ARNT2: variants seen among roughly 807,000 people sequenced by gnomAD.
ARNT2 encodes ARNT protein 2.
ARNT2 carries 36 observed loss-of-function variants against 91.7 expected under a neutral mutation model. That is an observed-to-expected ratio of 0.39 (90% CI 0.30 to 0.52). The LOEUF (loss-of-function observed/expected upper bound fraction) is 0.52, where lower values mean the gene tolerates loss of function less well. ARNT2 is among the 20% of genes least tolerant of loss of function. The probability of loss-of-function intolerance (pLI) is 0.72; values close to 1 mark genes in which losing one functional copy is unlikely to be tolerated. For missense variants in ARNT2, 775 were observed against 939.3 expected (o/e 0.83, Z 2.29); for synonymous variants, 365 against 347.1 (o/e 1.05, Z -0.57).
intron 5 of ARNT2, among the ~76,000 whole-genome samples, chr15:80,481,907 A>C (rs543692044): frequency 3.2e-4 from 48 of 151,928 alleles, no homozygotes; most frequent in African/African-American, 1.0e-3. Flanking sequence ...CTCATTTTTA[A>C]ATTTTTTTTG....
chr15:80,409,539 G>T (rs1895652030), intron 1 of ARNT2, among the ~76,000 whole-genome samples: 2 of 151,674 alleles, frequency 1.3e-5, no homozygotes, highest in African/African-American at 4.9e-5. Flanking sequence ...GCTGCTAGGG[G>T]CTAATACTTA....
intron 3 of ARNT2, among the ~76,000 whole-genome samples, chr15:80,462,166 G>A (rs1341101840): frequency 6.6e-6 from 1 of 151,818 alleles, no homozygotes; most frequent in Non-Finnish European, 1.5e-5. Context: ...CACTCTGAGT[G>A]GTTCAGGGGC....
intron 11 of ARNT2, among the ~76,000 whole-genome samples, chr15:80,561,160 G>A (rs570745041): frequency 3.9e-5 from 6 of 152,192 alleles, no homozygotes; most frequent in East Asian, 1.9e-4. Flanking sequence ...AGACACCACC[G>A]AAGAATAGAC....
rs1195474148 is a variant in ARNT2 at position 80,528,239 on chromosome 15, T to A, written c.877+13834T>A. Among the ~76,000 whole-genome samples the A allele has an allele frequency of 2.0e-5, 3 of 152,092 alleles. No homozygotes were observed. In the East Asian group the frequency reaches 5.8e-4, roughly 29 times the overall value. ...CGGGTGGGGACGCTGGGATCCACAC[T>A]CAGGGAGGCTGATTCCAGAGTCTGA... On this transcript the variant is annotated intron_variant, in intron 8 of 18. Coordinates refer to ENST00000303329, the MANE Select transcript of ARNT2 (RefSeq NM_014862.4).
chr15:80,498,827 G>T (rs1422600153), intron 5 of ARNT2, among the ~76,000 whole-genome samples: 2 of 152,204 alleles, frequency 1.3e-5, no homozygotes, highest in Non-Finnish European at 2.9e-5. Flanking sequence ...CTGACCTCCT[G>T]CCCCCTCACT....
chr15:80,413,762 C>A (rs1220056330), intron 1 of ARNT2, among the ~76,000 whole-genome samples: 1 of 152,176 alleles, frequency 6.6e-6, no homozygotes, highest in African/African-American at 2.4e-5. Context: ...TCGGGTAGAG[C>A]CAGGCCTTCC....
chr15:80,526,849 C>T (rs1168758011), intron 8 of ARNT2, among the ~76,000 whole-genome samples: 2 of 152,202 alleles, frequency 1.3e-5, no homozygotes, highest in Non-Finnish European at 2.9e-5. Context: ...CCTTGCACTT[C>T]TTGCAGTTTG....
At chr15:80,454,728 C>T (rs1189122285) in intron 2 of ARNT2, among the ~76,000 whole-genome samples, 5 of 152,216 alleles carry the variant, frequency 3.3e-5, no homozygotes, top group African/African-American at 4.8e-5. Context: ...CCTTTTATCT[C>T]ACTAGAGCAT....
intron 1 of ARNT2, among the ~76,000 whole-genome samples, chr15:80,424,346 G>C (rs1020686478): frequency 6.6e-6 from 1 of 152,180 alleles, no homozygotes; most frequent in Non-Finnish European, 1.5e-5. Flanking sequence ...TGTGTCACAG[G>C]TTTCAGACTT....
chr15:80,593,799 G>A lies in ARNT2; in HGVS notation c.*101G>A. 1 of 1,123,564 alleles carries A rather than the reference G, an allele frequency of 8.9e-7. No individual in the cohort carries two copies. The highest frequency in any genetic ancestry group is 1.3e-6 in the Non-Finnish European group (1 of 778,280). 69.6% of individuals were successfully genotyped at this position (1,123,564 alleles called of 1,614,324 possible). On this transcript the variant is annotated 3_prime_UTR_variant, in exon 19 of 19. Coordinates refer to ENST00000303329, the MANE Select transcript of ARNT2 (RefSeq NM_014862.4). ...CCCTCGCCCTGCTTGCCCTGCCGCA[G>A]GCCCCCCACCAGAAGCCATCTCCCC...
chr15:80,478,962 G>T (rs1016188826), intron 5 of ARNT2, among the ~76,000 whole-genome samples: 1 of 152,236 alleles, frequency 6.6e-6, no homozygotes, highest in Non-Finnish European at 1.5e-5. Context: ...GGGAGAGTCA[G>T]GGTGGAAGGG....
chr15:80,451,026 T>C (rs769180831), intron 2 of ARNT2, 32 bp downstream of exon 2: 3 of 1,589,420 alleles, frequency 1.9e-6, no homozygotes, highest in South Asian at 2.2e-5. Flanking sequence ...AGGAATTGGC[T>C]TAATAAATGT....
At chr15:80,568,078 T>C (rs1898518550) in intron 12 of ARNT2, among the ~76,000 whole-genome samples, 1 of 152,198 alleles carries the variant, frequency 6.6e-6, no homozygotes, top group East Asian at 1.9e-4. Context: ...TGTTGAACAT[T>C]TGTGTAAAGC....
chr15:80,530,980 T>C (rs796521861), intron 8 of ARNT2, among the ~76,000 whole-genome samples: 2 of 152,352 alleles, frequency 1.3e-5, no homozygotes, highest in African/African-American at 4.8e-5. Context: ...TCTCTTTATC[T>C]TTGTTTAAAC....
chr15:80,431,721 T>C (rs900831518), intron 1 of ARNT2, among the ~76,000 whole-genome samples: 3 of 152,176 alleles, frequency 2.0e-5, no homozygotes, highest in Non-Finnish European at 4.4e-5. Flanking sequence ...CCGGTTGTTG[T>C]CCCTACTTAT....
At position 80,457,849 on chromosome 15, in the gene ARNT2, C is replaced by G. The variant is rs370328725; in HGVS notation, c.147-80C>G. ...GATAGCAGTCCTAGTGAATAAAGCT[C>G]CTTTTGTTCCAGCAGCTCCTGTTAC... On this transcript the variant is annotated intron_variant, in intron 2 of 18. Coordinates refer to ENST00000303329, the MANE Select transcript of ARNT2 (RefSeq NM_014862.4). 2.7e-6 allele frequency: 4 copies of G among 1,483,594 alleles called. No individual in the cohort carries two copies. In the African/African-American group the frequency reaches 5.6e-5, roughly 21 times the overall value. The allele number at this position is 1,483,594 out of a possible 1,614,324, so 91.9% of individuals were successfully genotyped here.
rs1434255553 is a variant in ARNT2 at position 80,515,414 on chromosome 15, G to A, written c.877+1009G>A. ...ATATTATTCAGGAATAAAAAGCAAT[G>A]AAGTATTGATACATGCTATATTATG... On this transcript the variant is annotated intron_variant, in intron 8 of 18. Transcript: ENST00000303329. Among the ~76,000 whole-genome samples, 6 of 152,308 alleles carry A rather than the reference G, an allele frequency of 3.9e-5. No individual in the cohort carries two copies. The East Asian group carries it at 7.7e-4, about 20-fold the overall frequency.
chr15:80,593,657 G>T lies in ARNT2; in HGVS notation c.2113G>T (p.Asp705Tyr), dbSNP rs774221151. ...GGGGACTGGCAACTATAACATCGAA[G>T]ACTTTGCCGACCTGGGCATGTTTCC... ...TQGTGNYNIE[D>Y]FADLGMFPPF... Residue 705 changes from aspartate (D) to tyrosine (Y), a missense_variant, in exon 19 of 19, where the codon GAC (aspartate) becomes TAC (tyrosine). By Grantham distance (160) the Asp-to-Tyr change is radical. This residue lies in a region of ARNT2 where 325 missense variants were observed against 359.9 expected (regional missense o/e 0.90). Transcript: ENST00000303329. The T allele has an allele frequency of 2.5e-6, 4 of 1,607,458 alleles. No individual in the cohort carries two copies. Among genetic ancestry groups the T allele is most frequent in the African/African-American group, 2.7e-5 (2 of 74,886 alleles).
rs929995987 is a variant in ARNT2, at chr15:80,536,082, G to A, written c.878-15117G>A. Among the ~76,000 whole-genome samples the A allele has an allele frequency of 8.5e-5, 13 of 152,214 alleles. 1 individual carries two copies. Among genetic ancestry groups the A allele is most frequent in the Admixed American group, 7.2e-4 (11 of 15,288 alleles). On this transcript the variant is annotated intron_variant, in intron 8 of 18. Coordinates refer to ENST00000303329, the MANE Select transcript of ARNT2 (RefSeq NM_014862.4). ...AACAGCACAACTTGCTGGCATTGAA[G>A]CAGCATGGTTGTCTGGGGTAAATAC...
Sources: gnomAD v4.1 joint callset for allele counts (sites outside exome capture counted in the v4.1 genomes callset) on GRCh38, gnomAD v4.1.1 for gene constraint, gnomAD v4.1.1 regional missense constraint, MANE v1.5 for transcripts, NCBI Gene and HGNC (gene_info 2026-07-23, HGNC 2026-07-21) for gene names.